The following DNHD1 variants were observed in gnomAD, a reference collection of about 807,000 sequenced individuals.
DNHD1 encodes dynein heavy chain domain 1, also known as dynein heavy chain domain-containing protein 1.
In DNHD1, 383 loss-of-function variants were observed where a neutral mutation model predicts 458.1. That is an observed-to-expected ratio of 0.84 (90% CI 0.77 to 0.91). DNHD1 has a LOEUF of 0.91. Ranked by LOEUF, DNHD1 falls within the 40% of genes least tolerant of loss-of-function variation. DNHD1 has a pLI of 0.00. For missense variants in DNHD1, 5,336 were observed against 5,866.1 expected, an observed-to-expected ratio of 0.91 and a Z score of 2.95; for synonymous variants, 2,203 against 2,376.9, an observed-to-expected ratio of 0.93 and a Z score of 2.13.
Position 6,557,940 on chromosome 11 carries a change from C to T in DNHD1, c.8645C>T (p.Pro2882Leu). 6.4e-7 allele frequency: 1 copy of T among 1,551,494 alleles called. No individual in the cohort carries two copies. The highest frequency in any genetic ancestry group is 8.7e-7 in the Non-Finnish European group (1 of 1,146,982). ...VARLVRVLAR[P>L]RQHGLLLSGA... ...CGCCTGGTCCGGGTGCTGGCCAGGCCCCGGCAGCATGGCCTGCTGCTCTCG... is the reference window on the plus strand; with the variant it reads ...CGCCTGGTCCGGGTGCTGGCCAGGCTCCGGCAGCATGGCCTGCTGCTCTCG... The change falls in exon 25 of 43, where the codon CCC (proline) becomes CTC (leucine). Residue 2882 changes from proline to leucine, a missense_variant. By Grantham distance (98) the Pro-to-Leu change is moderately conservative. Coordinates refer to ENST00000254579, the MANE Select transcript of DNHD1 (RefSeq NM_144666.3).
At position 6,509,059 on chromosome 11, in the gene DNHD1, G is replaced by A. The variant is rs1322927396; in HGVS notation, c.1100G>A (p.Cys367Tyr). Residue 367 changes from cysteine (C) to tyrosine (Y), a missense_variant, in exon 5 of 43, where the codon TGC becomes TAC. Around this residue, in one of 4 missense-constraint regions of DNHD1, gnomAD observed 3,932 missense variants for 4,365.6 expected, o/e 0.90. Transcript: ENST00000254579. ...CAGTTCATTCCATTCTTTAAGTATT[G>A]CCTCTTACGCAAGTCCTTTACCTGG... Reference protein sequence around the residue: ...QLQFIPFFKYCLLRKSFTCWK... With the variant: ...QLQFIPFFKYYLLRKSFTCWK... The A allele has an allele frequency of 6.2e-7, 1 of 1,614,032 alleles. No individual in the cohort carries two copies. The highest frequency in any genetic ancestry group is 1.3e-5 in the African/African-American group (1 of 74,900).
chr11:6,535,084 G>A (rs992638060), intron 14 of DNHD1, among the ~76,000 whole-genome samples: 2 of 152,130 alleles, frequency 1.3e-5, no homozygotes, highest in East Asian at 3.8e-4. Flanking sequence ...TGGATTTACT[G>A]AATCTCTCTC....
chr11:6,498,072 C>T lies in DNHD1; in HGVS notation c.-144C>T, dbSNP rs1483955519. On this transcript the variant is annotated 5_prime_UTR_variant, in exon 3 of 43. Transcript: ENST00000254579. Reference sequence around the variant, plus strand: ...CCCCATTGACTCTGACCATCCCCTGCCCAGAGCCTGAGGTCCCTTCTCTGG... The same window carrying T: ...CCCCATTGACTCTGACCATCCCCTGTCCAGAGCCTGAGGTCCCTTCTCTGG... 1.7e-6 allele frequency: 2 copies of T among 1,152,214 alleles called. No individual in the cohort carries two copies. The highest frequency in any genetic ancestry group is 2.4e-5 in the East Asian group (1 of 42,516). The allele number at this position is 1,152,214 out of a possible 1,614,324, so 71.4% of individuals were successfully genotyped here.
chr11:6,554,693 A>G (rs180761539), intron 24 of DNHD1, among the ~76,000 whole-genome samples: 2 of 145,990 alleles, frequency 1.4e-5, no homozygotes, highest in East Asian at 3.9e-4. Flanking sequence ...TGATATTATC[A>G]GGCATCAGTG....
In DNHD1 at chr11:6,571,225, C is replaced by G. The variant is rs745951616; in HGVS notation, c.13713C>G (p.Asp4571Glu). The stretch of plus-strand genomic sequence containing the variant: ...TTCGTTACTTGGGCGTGGGCGCGGA[C>G]GCGAGCAGTGATGTACCAGAGCGCG... ...LLVRYLGVGADASSDVPERVF... is the reference protein window; with the variant it reads ...LLVRYLGVGAEASSDVPERVF... Residue 4571 changes from aspartate to glutamate, a missense_variant, in exon 42 of 43, where the codon GAC becomes GAG. Physicochemically the swap from Asp to Glu is conservative, Grantham distance 45. Around this residue, in one of 4 missense-constraint regions of DNHD1, gnomAD observed 698 missense variants for 664.9 expected, o/e 1.05. Transcript: ENST00000254579. This position sits in a 1 kb window ranked among gnomAD's most constrained non-coding sequence, Gnocchi z 5.0. 1.2e-6 allele frequency: 2 copies of G among 1,611,474 alleles called. No homozygotes were observed. The highest frequency in any genetic ancestry group is 2.7e-5 in the African/African-American group (2 of 74,926).
At chr11:6,500,191 C>A (rs1264430055) in intron 3 of DNHD1, among the ~76,000 whole-genome samples, 3 of 152,004 alleles carry the variant, frequency 2.0e-5, no homozygotes, top group African/African-American at 7.2e-5. Context: ...GTTTCCAACT[C>A]CTGGTCTCAA....
intron 10 of DNHD1, among the ~76,000 whole-genome samples, chr11:6,526,028 TTCC>T (rs143244932): frequency 0.15 from 23,151 of 152,070 alleles, 1,930 homozygotes; most frequent in Middle Eastern, 0.2. Context: ...ATTTGTTCTC[TTCC>T]CTTGCTTTGT....
In DNHD1 at chr11:6,509,084, G is replaced by A. The variant is rs1288775274; in HGVS notation, c.1124+1G>A. 3.7e-6 allele frequency: 6 copies of A among 1,614,036 alleles called. No homozygotes were observed. The East Asian group carries it at 6.7e-5, about 18-fold the overall frequency. ...GCCTCTTACGCAAGTCCTTTACCTG[G>A]TAGGTAATGACGGATATGTGATTTG... On this transcript the variant is annotated splice_donor_variant, in intron 5 of 42. Coordinates refer to ENST00000254579, the MANE Select transcript of DNHD1 (RefSeq NM_144666.3). LOFTEE classifies it high-confidence loss of function.
intron 18 of DNHD1, among the ~76,000 whole-genome samples, chr11:6,541,022 G>A (rs1215966505): frequency 6.6e-6 from 1 of 152,116 alleles, no homozygotes; most frequent in Non-Finnish European, 1.5e-5. Context: ...TTCACTTTCT[G>A]CAAAGTTGGG....
At chr11:6,518,780 G>A (rs926922378) in intron 7 of DNHD1, among the ~76,000 whole-genome samples, 1 of 152,118 alleles carries the variant, frequency 6.6e-6, no homozygotes, top group Non-Finnish European at 1.5e-5. Context: ...CTTATGCATA[G>A]GGCATGTTTG....
intron 24 of DNHD1, among the ~76,000 whole-genome samples, chr11:6,550,511 AAAAT>A (rs1306741274): frequency 6.6e-6 from 1 of 152,212 alleles, no homozygotes; most frequent in Non-Finnish European, 1.5e-5. Flanking sequence ...TATAAAATAA[AAAAT>A]AAATAGACAT....
Position 6,528,686 on chromosome 11 carries a change from C to T in DNHD1, c.2002C>T (p.Arg668Trp), listed in dbSNP as rs999193408. Residue 668 changes from arginine (R) to tryptophan (W), a missense_variant, in exon 11 of 43, where the codon CGG becomes TGG. Transcript: ENST00000254579. ...GILEVRGCRL[R>W]GQYFPHNYKQ... ...CTTGGAGGTCCGTGGATGTCGGCTG[C>T]GGGGCCAATACTTCCCCCACAATTA... is the stretch of plus-strand genomic sequence containing the variant. 28 of 1,551,560 alleles carry T rather than the reference C, an allele frequency of 1.8e-5. No individual in the cohort carries two copies. In the Admixed American group the frequency reaches 3.3e-4, roughly 18 times the overall value.
Position 6,498,977 on chromosome 11 carries a change from A to G in DNHD1, c.746+16A>G. On this transcript the variant is annotated intron_variant, in intron 3 of 42. Transcript: ENST00000254579. ...AAGAGACCAGGTAAGTGAGGGACTC[A>G]GTCTAGGGCTTGAGCAGAGGAGAAA... 1 of 1,571,542 alleles carries G rather than the reference A, an allele frequency of 6.4e-7. No homozygotes were observed. The highest frequency in any genetic ancestry group is 8.6e-7 in the Non-Finnish European group (1 of 1,159,994).
rs2723645 is a variant in DNHD1 at position 6,498,133 on chromosome 11, C to T, written c.-83C>T. Reference sequence around the variant, plus strand: ...GGGCTGGCCCATGCAGGTGAGGCCCCGCATCTGGCATCCTGGAACTGGCAG... The same window carrying T: ...GGGCTGGCCCATGCAGGTGAGGCCCTGCATCTGGCATCCTGGAACTGGCAG... On this transcript the variant is annotated 5_prime_UTR_variant, in exon 3 of 43. Transcript: ENST00000254579. 3.9e-6 allele frequency: 6 copies of T among 1,550,702 alleles called. No individual in the cohort carries two copies. The highest frequency in any genetic ancestry group is 2.3e-5 in the East Asian group (1 of 44,414).
chr11:6,570,749 C>G lies in DNHD1; in HGVS notation c.13237C>G (p.Leu4413Val), dbSNP rs750242852. ...AWLLRRQSRA[L>V]LSALQRSSPV... ...GCTGTTGCGACGCCAGAGTCGCGCT[C>G]TCTTGAGTGCGCTGCAGCGGAGTTC... The change falls in exon 42 of 43, where the codon CTC becomes GTC. Residue 4413 changes from leucine (L) to valine (V), a missense_variant. Coordinates refer to ENST00000254579, the MANE Select transcript of DNHD1 (RefSeq NM_144666.3). 1.1e-5 allele frequency: 18 copies of G among 1,612,090 alleles called. No homozygotes were observed. The highest frequency in any genetic ancestry group is 3.3e-4 in the Middle Eastern group (2 of 6,062).
Position 6,544,659 on chromosome 11 carries a change from T to A in DNHD1, c.3840T>A (p.Pro1280=). ...KVLHEMKIQF[P]NADLNSRFKV... ...TGCATGAGATGAAGATCCAGTTTCC[T>A]AATGCTGACCTGGTAGGGAAGGGGG... Residue 1280 remains proline, a synonymous_variant, in exon 20 of 43, where the codon CCT becomes CCA. Transcript: ENST00000254579. 1 of 1,551,508 alleles carries A rather than the reference T, an allele frequency of 6.4e-7. No homozygotes were observed. Among genetic ancestry groups the A allele is most frequent in the Non-Finnish European group, 8.7e-7 (1 of 1,146,926 alleles).
intron 7 of DNHD1, among the ~76,000 whole-genome samples, chr11:6,517,392 G>T (rs1178107164): frequency 2.0e-5 from 3 of 152,124 alleles, no homozygotes; most frequent in Non-Finnish European, 4.4e-5. Flanking sequence ...AATGAAATCA[G>T]TATCTCAAAG....
Position 6,557,593 on chromosome 11 carries a change from CAAGAT to C in DNHD1, c.8302_8306del (p.Ile2768AlafsTer11). On this transcript the variant is annotated frameshift_variant, in exon 25 of 43. Transcript: ENST00000254579. LOFTEE classifies it high-confidence loss of function. Reference sequence around the variant, plus strand: ...GGGGGATGAAGGAAAGCATAAGTCACAAGATAAGGCAAGAGAAAGGCACAAGGGCA... The same window carrying C: ...GGGGGATGAAGGAAAGCATAAGTCACAAGGCAAGAGAAAGGCACAAGGGCA... 1 of 1,551,740 alleles carries C rather than the reference CAAGAT, an allele frequency of 6.4e-7. No homozygotes were observed. Among genetic ancestry groups the C allele is most frequent in the Non-Finnish European group, 8.7e-7 (1 of 1,146,988 alleles).
At position 6,548,894 on chromosome 11, in the gene DNHD1, C is replaced by T. The variant is rs1337657163; in HGVS notation, c.7348C>T (p.Leu2450Phe). 1.9e-6 allele frequency: 3 copies of T among 1,551,628 alleles called. No individual in the cohort carries two copies. The highest frequency in any genetic ancestry group is 1.2e-5 in the South Asian group (1 of 84,068). ...GCATCACCAGGATTCTAAACCCTCCCTCCTCTTCTTGCTGGAGGACCTGCA... is the reference window on the plus strand; with the variant it reads ...GCATCACCAGGATTCTAAACCCTCCTTCCTCTTCTTGCTGGAGGACCTGCA... The part of the protein sequence containing the change: ...PGHHQDSKPS[L>F]LFLLEDLHLA... The change falls in exon 24 of 43, where the codon CTC becomes TTC. Residue 2450 changes from leucine to phenylalanine, a missense_variant. Around this residue, in one of 4 missense-constraint regions of DNHD1, gnomAD observed 3,932 missense variants for 4,365.6 expected, o/e 0.90. Coordinates refer to ENST00000254579, the MANE Select transcript of DNHD1 (RefSeq NM_144666.3). The surrounding 1 kb of genome is among the most constrained non-coding windows in gnomAD (Gnocchi z 4.4).
Sources: gnomAD v4.1 joint callset for allele counts (sites outside exome capture counted in the v4.1 genomes callset) on GRCh38, gnomAD v4.1.1 for gene constraint, gnomAD v4.1.1 regional missense constraint, Gnocchi (gnomAD v3.1) non-coding constraint, MANE v1.5 for transcripts, NCBI Gene and HGNC (gene_info 2026-07-23, HGNC 2026-07-21) for gene names.